The following DYNC2LI1 variants were observed in gnomAD, a reference collection of about 807,000 sequenced individuals.
DYNC2LI1 encodes the protein cytoplasmic dynein 2 light intermediate chain 1.
In DYNC2LI1, 45 loss-of-function variants were observed where a neutral mutation model predicts 51.9. That is an observed-to-expected ratio of 0.87 (90% CI 0.68 to 1.11). The LOEUF (loss-of-function observed/expected upper bound fraction) is 1.11. Among genes scored for constraint, DYNC2LI1 ranks in the 50% most tolerant of loss-of-function variants. The pLI is 0.00. For synonymous variants in DYNC2LI1, 130 were observed against 137.8 expected (o/e 0.94, Z 0.40); for missense variants, 490 against 417.4 (o/e 1.17, Z -1.51).
At position 43,797,720 on chromosome 2, in the gene DYNC2LI1, A is replaced by G. The variant is rs532061265; in HGVS notation, c.654+925A>G. Among the ~76,000 whole-genome samples, 308 of 151,910 alleles carry G rather than the reference A, an allele frequency of 2.0e-3. 2 individuals are homozygous for G. The highest frequency in any genetic ancestry group is 7.0e-3 in the African/African-American group (288 of 41,438). Reference sequence around the variant, plus strand: ...TTTTTAATAGAGATGGGGTTTCACTATGTTGGCCAGGCTGGTCTTGAACTC... The same window carrying G: ...TTTTTAATAGAGATGGGGTTTCACTGTGTTGGCCAGGCTGGTCTTGAACTC... On this transcript the variant is annotated intron_variant, in intron 8 of 12. Coordinates refer to ENST00000260605, the MANE Select transcript of DYNC2LI1 (RefSeq NM_016008.4).
chr2:43,796,606 T>C, intron 7 of DYNC2LI1, 112 bp from the exon 8 acceptor site: 1 of 763,364 alleles, frequency 1.3e-6, no homozygotes, highest in Non-Finnish European at 2.1e-6. Context: ...ATCCTATTCC[T>C]GAAAGTGAGT....
chr2:43,803,954 A>G (rs1666154740), intron 10 of DYNC2LI1, among the ~76,000 whole-genome samples: 1 of 152,214 alleles, frequency 6.6e-6, no homozygotes, highest in African/African-American at 2.4e-5. Context: ...GAGTACATAC[A>G]AGGAGCAAAT....
Position 43,774,060 on chromosome 2 carries a change from C to T in DYNC2LI1, c.-79C>T. On this transcript the variant is annotated 5_prime_UTR_variant, in exon 1 of 13. Transcript: ENST00000260605. ...ACCCAGAAGGCCTCACTCCCAGACT[C>T]CTTGCGGAGCTCGCCGCCTGATTCT... The T allele has an allele frequency of 6.3e-7, 1 of 1,598,500 alleles. No individual in the cohort carries two copies. The highest frequency in any genetic ancestry group is 8.5e-7 in the Non-Finnish European group (1 of 1,172,600).
intron 3 of DYNC2LI1, among the ~76,000 whole-genome samples, chr2:43,786,927 G>C (rs1413955203): frequency 6.6e-6 from 1 of 152,222 alleles, no homozygotes; most frequent in Non-Finnish European, 1.5e-5. Context: ...CACGCTGCCA[G>C]CCTCAACACA....
At chr2:43,786,852 A>G (rs1673543597) in intron 3 of DYNC2LI1, among the ~76,000 whole-genome samples, 2 of 151,972 alleles carry the variant, frequency 1.3e-5, no homozygotes, top group African/African-American at 4.8e-5. Flanking sequence ...AACAAAAAAA[A>G]ACACCCAGTG....
chr2:43,789,513 C>G, intron 4 of DYNC2LI1, 120 bp from the exon 5 acceptor site: 1 of 767,656 alleles, frequency 1.3e-6, no homozygotes, highest in African/African-American at 1.8e-5. Context: ...AAAATTTTGA[C>G]TGCCAAGAAA....
chr2:43,779,749 CAG>C (rs1200590261), intron 2 of DYNC2LI1, among the ~76,000 whole-genome samples: 1 of 152,156 alleles, frequency 6.6e-6, no homozygotes. Flanking sequence ...ATGTATGAAA[CAG>C]ATATTCCAAC....
intron 2 of DYNC2LI1, among the ~76,000 whole-genome samples, chr2:43,780,114 A>G (rs1673206113): frequency 6.6e-6 from 1 of 152,222 alleles, no homozygotes; most frequent in South Asian, 2.1e-4. Flanking sequence ...GTGTCAATGG[A>G]CATTTGAGAC....
At chr2:43,827,552 C>T in the DYNC2LI1 span, among the ~76,000 whole-genome samples, 4 of 152,206 alleles carry the variant, frequency 2.6e-5, no homozygotes. Context: ...TTGATACTCC[C>T]TTCCCCACAA....
At chr2:43,827,945 C>G in the DYNC2LI1 span, 1 of 1,612,482 alleles carries the variant, frequency 6.2e-7, no homozygotes, top group East Asian at 2.2e-5. Flanking sequence ...CAGAAGATGC[C>G]CAGACAGCAG....
At chr2:43,814,386 A>G, downstream of DYNC2LI1, 1 of 828,530 alleles carries the variant, frequency 1.2e-6, no homozygotes, top group Non-Finnish European at 2.0e-6. Context: ...TTATTATAAA[A>G]CACAGTTTTT....
intron 2 of DYNC2LI1, 42 bp downstream of exon 2, chr2:43,776,941 C>T (rs753728919): frequency 3.9e-6 from 4 of 1,025,916 alleles, no homozygotes; most frequent in South Asian, 2.8e-5. Context: ...GATTTAACAA[C>T]CATTGGTAAA....
chr2:43,776,515 A>C (rs1673031986), intron 1 of DYNC2LI1, among the ~76,000 whole-genome samples: 1 of 152,222 alleles, frequency 6.6e-6, no homozygotes, highest in Non-Finnish European at 1.5e-5. Context: ...CCGTAGGGGA[A>C]GACCCAAATG....
downstream of DYNC2LI1, chr2:43,813,146 G>A (rs756933364): frequency 7.0e-7 from 1 of 1,437,516 alleles, no homozygotes; most frequent in Non-Finnish European, 9.8e-7. Flanking sequence ...CCCTTATTTT[G>A]AAAACAACTA....
downstream of DYNC2LI1, among the ~76,000 whole-genome samples, chr2:43,813,930 G>A (rs1188267352): frequency 6.6e-6 from 1 of 151,702 alleles, no homozygotes; most frequent in Non-Finnish European, 1.5e-5. Context: ...CGTCGGCCAG[G>A]CTGGTCTCGA....
At chr2:43,796,671 A>G (rs367705062) in intron 7 of DYNC2LI1, 47 bp from the exon 8 acceptor site, 29 of 1,332,128 alleles carry the variant, frequency 2.2e-5, no homozygotes, top group Admixed American at 2.0e-4. Context: ...TCTTCCTGCT[A>G]TAGATATTTG....
intron 2 of DYNC2LI1, 103 bp downstream of exon 2, chr2:43,777,002 G>C (rs950356741): frequency 3.3e-6 from 2 of 607,848 alleles, no homozygotes; most frequent in Non-Finnish European, 5.7e-6. Context: ...ACTTTAACCA[G>C]ATGACCAATC....
downstream of DYNC2LI1, among the ~76,000 whole-genome samples, chr2:43,811,388 T>C (rs1666474712): frequency 6.6e-6 from 1 of 152,224 alleles, no homozygotes; most frequent in Non-Finnish European, 1.5e-5. Flanking sequence ...CTTAATGAAA[T>C]GATCTTTCCT....
downstream of DYNC2LI1, among the ~76,000 whole-genome samples, chr2:43,810,751 C>T (rs1203927246): frequency 6.6e-6 from 1 of 152,116 alleles, no homozygotes; most frequent in African/African-American, 2.4e-5. Flanking sequence ...AGCATGTTTC[C>T]AAGGAACCTC....
Sources: allele counts gnomAD v4.1 joint callset (sites outside exome capture counted in the v4.1 genomes callset), GRCh38; gene constraint gnomAD v4.1.1; transcripts MANE v1.5; gene names NCBI Gene and HGNC (gene_info 2026-07-23, HGNC 2026-07-21).